Variants in PTPRN2 observed in about 807,000 individuals in gnomAD.
PTPRN2 encodes the protein protein tyrosine phosphatase receptor type N2.
PTPRN2 carries 74 observed loss-of-function variants against 118.8 expected under a neutral mutation model. The ratio of observed to expected loss-of-function variants is 0.62; its 90% CI spans 0.52 to 0.76. The LOEUF (loss-of-function observed/expected upper bound fraction) is 0.76. PTPRN2 is among the 30% of genes least tolerant of loss of function. PTPRN2 has a pLI of 0.00. For missense variants in PTPRN2, 1,481 were observed against 1,394.4 expected (o/e 1.06, Z -0.99); for synonymous variants, 641 against 608.0 (o/e 1.05, Z -0.80).
At chr7:157,836,778 C>G (rs1401480390) in intron 12 of PTPRN2, among the ~76,000 whole-genome samples, 1 of 152,156 alleles carries the variant, frequency 6.6e-6, no homozygotes, top group African/African-American at 2.4e-5. Context: ...CATGTCCTGG[C>G]CTGGACCATT....
At chr7:157,828,190 C>T (rs566177736) in intron 12 of PTPRN2, among the ~76,000 whole-genome samples, 1 of 152,236 alleles carries the variant, frequency 6.6e-6, no homozygotes, top group Non-Finnish European at 1.5e-5. Flanking sequence ...GGGAGGTCCT[C>T]ATGCTTCTCT....
At chr7:157,839,184 T>C (rs1402156519) in intron 12 of PTPRN2, among the ~76,000 whole-genome samples, 2 of 152,262 alleles carry the variant, frequency 1.3e-5, no homozygotes, top group African/African-American at 4.8e-5. Context: ...TAACACGTAA[T>C]TGTTCTTTAC....
At chr7:157,931,528 C>T (rs1195247521) in intron 11 of PTPRN2, among the ~76,000 whole-genome samples, 3 of 152,174 alleles carry the variant, frequency 2.0e-5, no homozygotes, top group African/African-American at 4.8e-5. Context: ...TTAATCTAAC[C>T]CTGTTCTCAG....
intron 13 of PTPRN2, among the ~76,000 whole-genome samples, chr7:157,665,313 T>C (rs1796082552): frequency 1.3e-5 from 2 of 152,174 alleles, no homozygotes; most frequent in African/African-American, 4.8e-5. Context: ...CGACCTTGAG[T>C]TTGTAAGGAT....
At chr7:157,996,687 CTT>C (rs1179793977) in intron 11 of PTPRN2, among the ~76,000 whole-genome samples, 1 of 152,184 alleles carries the variant, frequency 6.6e-6, no homozygotes, top group Non-Finnish European at 1.5e-5. Flanking sequence ...TCTTCTCTAG[CTT>C]TCTTCGTCTC....
At chr7:158,586,729 T>C (rs2129453178) in intron 1 of PTPRN2, among the ~76,000 whole-genome samples, 1 of 152,220 alleles carries the variant, frequency 6.6e-6, no homozygotes, top group East Asian at 1.9e-4. Flanking sequence ...AGGAAAAATG[T>C]CCTCTGATTT....
intron 2 of PTPRN2, among the ~76,000 whole-genome samples, chr7:158,362,333 C>T (rs1055938171): frequency 6.6e-6 from 1 of 152,212 alleles, no homozygotes; most frequent in Non-Finnish European, 1.5e-5. Context: ...CGGCACTTTC[C>T]TCAGGCCACC....
chr7:158,510,748 T>C lies in PTPRN2; in HGVS notation c.113-20963A>G, dbSNP rs10254333. On this transcript the variant is annotated intron_variant, in intron 1 of 22. Coordinates refer to ENST00000389418, the MANE Select transcript of PTPRN2 (RefSeq NM_002847.5). ...GGAAAAGAAGAGAAAGAGAAAACTA[T>C]GAGTAGGTCGGATGTGAATGTAAAG... is the stretch of plus-strand genomic sequence containing the variant. 2.2e-4 allele frequency among the ~76,000 whole-genome samples: 34 copies of C among 152,334 alleles called. 1 individual carries two copies. The highest frequency in any genetic ancestry group is 8.2e-4 in the African/African-American group (34 of 41,584).
intron 2 of PTPRN2, among the ~76,000 whole-genome samples, chr7:158,369,062 A>G (rs1377594060): frequency 2.0e-5 from 3 of 152,030 alleles, no homozygotes; most frequent in Non-Finnish European, 2.9e-5. Context: ...TAAAGCAGGC[A>G]GAATATCGTG....
Position 157,583,202 on chromosome 7 carries a change from A to G in PTPRN2, c.2497-5062T>C, listed in dbSNP as rs1334287501. 6.6e-6 allele frequency among the ~76,000 whole-genome samples: 1 copy of G among 152,124 alleles called. No homozygotes were observed. Among genetic ancestry groups the G allele is most frequent in the Non-Finnish European group, 1.5e-5 (1 of 68,006 alleles). On this transcript the variant is annotated intron_variant, in intron 17 of 22. Transcript: ENST00000389418. This position sits in a 1 kb window ranked among gnomAD's most constrained non-coding sequence, Gnocchi z 5.5. ...GATGAACCTGGAGGACACGACGTTA[A>G]ATTGAAATAAGCCGGACACAGAAGG...
intron 11 of PTPRN2, among the ~76,000 whole-genome samples, chr7:158,070,968 ACGGTGGAGGTGCCCG>A (rs1811351765): frequency 8.2e-4 from 16 of 19,468 alleles, no homozygotes; most frequent in Admixed American, 1.5e-3. Context: ...GGAGGTGCTC[ACGGTGGAGGTGCCCG>A]TGGTGGTGGA....
intron 12 of PTPRN2, among the ~76,000 whole-genome samples, chr7:157,875,366 A>G (rs1282655458): frequency 3.3e-5 from 5 of 152,194 alleles, no homozygotes; most frequent in Admixed American, 1.3e-4. Context: ...GTCCGTATTC[A>G]TGGTGGGAGG....
rs542896263 is a variant in PTPRN2 at position 158,546,092 on chromosome 7, A to T, written c.112+41466T>A. On this transcript the variant is annotated intron_variant, in intron 1 of 22. Transcript: ENST00000389418. This position sits in a 1 kb window ranked among gnomAD's most constrained non-coding sequence, Gnocchi z 5.0. ...GCTGGAGACCAAAAAAACTGGGCCA[A>T]CGGCCCACAAACACGTGAGCCAGGT... 3.9e-5 allele frequency among the ~76,000 whole-genome samples: 6 copies of T among 152,364 alleles called. No homozygotes were observed. The highest frequency in any genetic ancestry group is 1.4e-4 in the African/African-American group (6 of 41,600).
intron 4 of PTPRN2, among the ~76,000 whole-genome samples, chr7:158,195,884 C>T (rs1295041106): frequency 6.6e-6 from 1 of 152,186 alleles, no homozygotes; most frequent in African/African-American, 2.4e-5. Flanking sequence ...GGGTGATGGA[C>T]ATTTGCAATC....
intron 2 of PTPRN2, among the ~76,000 whole-genome samples, chr7:158,337,962 T>C (rs202057336): frequency 0.013 from 240 of 18,322 alleles, 1 homozygote; most frequent in African/African-American, 0.045. Context: ...CCATAAGAGC[T>C]GACGCCCGCA....
chr7:158,334,955 C>G (rs1289858628), intron 2 of PTPRN2, among the ~76,000 whole-genome samples: 1 of 14,046 alleles, frequency 7.1e-5, no homozygotes, highest in African/African-American at 1.6e-4. Flanking sequence ...CACTCACACC[C>G]ACACTCTCAC....
At chr7:157,954,802 C>A (rs777968133) in intron 11 of PTPRN2, among the ~76,000 whole-genome samples, 3 of 152,148 alleles carry the variant, frequency 2.0e-5, no homozygotes, top group Non-Finnish European at 2.9e-5. Flanking sequence ...GAAGTTCTTT[C>A]TGGTATCTTT....
chr7:158,331,064 C>G (rs1804304819), intron 2 of PTPRN2, among the ~76,000 whole-genome samples: 1 of 146,796 alleles, frequency 6.8e-6, no homozygotes, highest in Non-Finnish European at 1.5e-5. Flanking sequence ...ACGTCACTCA[C>G]ACCCACACTC....
intron 12 of PTPRN2, among the ~76,000 whole-genome samples, chr7:157,708,112 C>G (rs1391644982): frequency 6.6e-6 from 1 of 152,250 alleles, no homozygotes; most frequent in Non-Finnish European, 1.5e-5. Flanking sequence ...GTAAGCAGGA[C>G]AGTGGCCTTC....
Sources: gnomAD v4.1 joint callset for allele counts (sites outside exome capture counted in the v4.1 genomes callset) on GRCh38, gnomAD v4.1.1 for gene constraint, Gnocchi (gnomAD v3.1) non-coding constraint, MANE v1.5 for transcripts, NCBI Gene and HGNC (gene_info 2026-07-23, HGNC 2026-07-21) for gene names.